XKR9: variants seen among roughly 807,000 people sequenced by gnomAD.
XKR9 encodes XK-related protein 9.
In XKR9, 32 loss-of-function variants were observed where a neutral mutation model predicts 32.0. That is an observed-to-expected ratio of 1.00 (90% CI 0.76 to 1.34). XKR9 has a LOEUF of 1.34. Among genes scored for constraint, XKR9 ranks in the 40% most tolerant of loss-of-function variants. XKR9 has a pLI of 0.00. For synonymous variants in XKR9, 168 were observed against 143.4 expected (o/e 1.17, Z -1.22); for missense variants, 546 against 429.7 (o/e 1.27, Z -2.39).
At chr8:70,671,425 T>C (rs1170894387) in intron 1 of XKR9, among the ~76,000 whole-genome samples, 4 of 102,164 alleles carry the variant, frequency 3.9e-5, no homozygotes, top group African/African-American at 1.2e-4. Context: ...GCTGGTGCGC[T>C]GCACCCACTA....
the XKR9 span, among the ~76,000 whole-genome samples, chr8:70,885,301 G>T: frequency 6.6e-6 from 1 of 152,074 alleles, no homozygotes; most frequent in Admixed American, 6.6e-5. Context: ...AATATACAAG[G>T]TACGTCCTTC....
chr8:70,745,159 C>A (rs1396446150), intron 2 of XKR9, among the ~76,000 whole-genome samples: 1 of 151,064 alleles, frequency 6.6e-6, no homozygotes, highest in African/African-American at 2.4e-5. Flanking sequence ...GTTTTATAGC[C>A]AAGAAATAAA....
At chr8:70,876,992 A>G in the XKR9 span, among the ~76,000 whole-genome samples, 1 of 152,172 alleles carries the variant, frequency 6.6e-6, no homozygotes, top group Non-Finnish European at 1.5e-5. Flanking sequence ...GTCTGTTCTC[A>G]TACTGCCAGG....
chr8:71,038,097 A>T, the XKR9 span, among the ~76,000 whole-genome samples: 5 of 152,018 alleles, frequency 3.3e-5, no homozygotes, highest in African/African-American at 1.2e-4. Context: ...GGTTTTTTTT[A>T]GCTCCTCTAA....
At chr8:70,947,844 T>C in the XKR9 span, among the ~76,000 whole-genome samples, 4 of 152,246 alleles carry the variant, frequency 2.6e-5, no homozygotes, top group Non-Finnish European at 5.9e-5. Flanking sequence ...AGGTATTTGA[T>C]TCTCTTCTTA....
downstream of XKR9, among the ~76,000 whole-genome samples, chr8:70,794,986 A>T (rs1807810646): frequency 6.6e-6 from 1 of 151,978 alleles, no homozygotes; most frequent in South Asian, 2.1e-4. Flanking sequence ...GTTTATTATT[A>T]TTTTTAATTT....
At chr8:70,791,110 A>T (rs975692492), downstream of XKR9, among the ~76,000 whole-genome samples, 64 of 152,110 alleles carry the variant, frequency 4.2e-4, no homozygotes, top group Non-Finnish European at 1.6e-4. Context: ...CATTCAGGCC[A>T]TAGCAACAGC....
At chr8:70,889,689 G>A in the XKR9 span, among the ~76,000 whole-genome samples, 4 of 151,638 alleles carry the variant, frequency 2.6e-5, no homozygotes, top group East Asian at 7.7e-4. Context: ...TTTTGTTTCT[G>A]CATGCATTTG....
chr8:70,811,016 C>G, the XKR9 span, among the ~76,000 whole-genome samples: 1 of 152,162 alleles, frequency 6.6e-6, no homozygotes, highest in Non-Finnish European at 1.5e-5. Context: ...CACACCTATT[C>G]CAAAATTGAC....
intron 2 of XKR9, among the ~76,000 whole-genome samples, chr8:70,756,076 C>T (rs370958069): frequency 2.6e-5 from 4 of 151,942 alleles, no homozygotes; most frequent in African/African-American, 4.8e-5. Flanking sequence ...ATTCTTTATT[C>T]CTTTGCCTAT....
intron 2 of XKR9, among the ~76,000 whole-genome samples, chr8:70,758,676 A>G (rs988649851): frequency 2.6e-5 from 4 of 152,232 alleles, no homozygotes; most frequent in African/African-American, 9.6e-5. Flanking sequence ...TTCACAAATA[A>G]CACCTGTATT....
the XKR9 span, among the ~76,000 whole-genome samples, chr8:71,020,856 C>T: frequency 2.0e-5 from 3 of 152,104 alleles, no homozygotes; most frequent in African/African-American, 4.8e-5. Flanking sequence ...TAGCATTTAT[C>T]CCTTCTATCT....
the XKR9 span, among the ~76,000 whole-genome samples, chr8:70,963,001 T>G: frequency 4.6e-5 from 7 of 152,192 alleles, no homozygotes; most frequent in Non-Finnish European, 1.0e-4. Flanking sequence ...AGGGTACATG[T>G]GCAAGGTGTG....
chr8:71,052,743 A>G, the XKR9 span, among the ~76,000 whole-genome samples: 1 of 152,180 alleles, frequency 6.6e-6, no homozygotes, highest in Non-Finnish European at 1.5e-5. Flanking sequence ...CACAGTACCT[A>G]GGTTCAGCTG....
chr8:70,810,516 AC>A, the XKR9 span, among the ~76,000 whole-genome samples: 3 of 152,224 alleles, frequency 2.0e-5, no homozygotes, highest in African/African-American at 7.2e-5. Flanking sequence ...AAGAGTCAAG[AC>A]CCATCAGTGT....
the XKR9 span, among the ~76,000 whole-genome samples, chr8:71,010,953 AATAG>A: frequency 1.5e-4 from 23 of 152,356 alleles, no homozygotes; most frequent in African/African-American, 5.5e-4. Context: ...TGCTCTGAAA[AATAG>A]ATAGATGGCG....
the XKR9 span, among the ~76,000 whole-genome samples, chr8:71,059,018 T>A: frequency 8.9e-4 from 136 of 152,362 alleles, no homozygotes; most frequent in African/African-American, 3.2e-3. Context: ...ACACATCCTG[T>A]TTGTTCTCAT....
intron 3 of XKR9, among the ~76,000 whole-genome samples, chr8:70,700,215 T>C (rs1210613706): frequency 6.6e-6 from 1 of 152,236 alleles, no homozygotes; most frequent in Non-Finnish European, 1.5e-5. Context: ...CTTTGTTCCA[T>C]TGCTGGTGAG....
the XKR9 span, among the ~76,000 whole-genome samples, chr8:71,032,114 T>C: frequency 6.6e-6 from 1 of 151,862 alleles, no homozygotes; most frequent in South Asian, 2.1e-4. Flanking sequence ...GCCAATGTGG[T>C]GAAATCCTAT....
Sources: allele counts gnomAD v4.1 joint callset (sites outside exome capture counted in the v4.1 genomes callset), GRCh38; gene constraint gnomAD v4.1.1; transcripts MANE v1.5; gene names NCBI Gene and HGNC (gene_info 2026-07-23, HGNC 2026-07-21).